SLC35D2: variants seen among roughly 807,000 people sequenced by gnomAD.
The protein encoded by SLC35D2 is nucleotide sugar transporter SLC35D2.
In SLC35D2, 43 loss-of-function variants were observed where a neutral mutation model predicts 41.8. The ratio of observed to expected loss-of-function variants is 1.03; its 90% CI spans 0.81 to 1.33. The LOEUF is 1.33. Ranked by LOEUF, SLC35D2 falls within the 40% of genes most tolerant of loss-of-function variation. The probability of loss-of-function intolerance (pLI) is 0.00; values close to 1 mark genes in which losing one functional copy is unlikely to be tolerated. For missense variants in SLC35D2, 380 were observed against 408.4 expected, an observed-to-expected ratio of 0.93 and a Z score of 0.60; for synonymous variants, 150 against 163.9, an observed-to-expected ratio of 0.92 and a Z score of 0.65.
chr9:96,339,042 T>C (rs1829183989), intron 8 of SLC35D2, among the ~76,000 whole-genome samples: 1 of 152,234 alleles, frequency 6.6e-6, no homozygotes, highest in Admixed American at 6.5e-5. Context: ...GTGTTCCTGA[T>C]ACTACAAAAT....
downstream of SLC35D2, among the ~76,000 whole-genome samples, chr9:96,318,520 C>T (rs1828110609): frequency 6.6e-6 from 1 of 151,922 alleles, no homozygotes; most frequent in Admixed American, 6.6e-5. Flanking sequence ...AGAACTCCTA[C>T]AACTCAACAA....
chr9:96,372,297 A>G (rs1000368162), intron 1 of SLC35D2, among the ~76,000 whole-genome samples: 23 of 152,218 alleles, frequency 1.5e-4, no homozygotes, highest in Non-Finnish European at 2.6e-4. Flanking sequence ...ATTTTACAAA[A>G]CAACTGGTCC....
intron 1 of SLC35D2, among the ~76,000 whole-genome samples, chr9:96,378,756 A>T (rs113775627): frequency 0.019 from 2,843 of 149,408 alleles, 81 homozygotes; most frequent in African/African-American, 0.066. Context: ...ATTAAAAATT[A>T]AAAAAAAAAA....
chr9:96,313,824 C>G (rs1827990359), exon 12 of SLC35D2: 1 of 152,400 alleles, frequency 6.6e-6, no homozygotes, highest in Admixed American at 6.5e-5. Context: ...CATCTCTCCC[C>G]AGTGTGGAAC....
intron 9 of SLC35D2, among the ~76,000 whole-genome samples, chr9:96,330,435 G>A (rs921561508): frequency 6.6e-6 from 1 of 152,134 alleles, no homozygotes; most frequent in Non-Finnish European, 1.5e-5. Context: ...GCACCCACAG[G>A]CATCGCCTTA....
chr9:96,356,749 C>T (rs1267856517), intron 4 of SLC35D2, among the ~76,000 whole-genome samples: 1 of 148,170 alleles, frequency 6.7e-6, no homozygotes, highest in East Asian at 2.0e-4. Context: ...CTGGTGCTCA[C>T]CTGTGGTCCC....
chr9:96,372,068 C>T (rs954552761), intron 1 of SLC35D2, among the ~76,000 whole-genome samples: 5 of 152,180 alleles, frequency 3.3e-5, no homozygotes, highest in Admixed American at 1.3e-4. Context: ...TGGCAATACC[C>T]ATCTAAATAA....
At chr9:96,353,135 T>C (rs911269062) in intron 4 of SLC35D2, among the ~76,000 whole-genome samples, 3 of 151,894 alleles carry the variant, frequency 2.0e-5, no homozygotes, top group Non-Finnish European at 4.4e-5. Flanking sequence ...GCAGTGTCTG[T>C]GGGAAAAACA....
downstream of SLC35D2, among the ~76,000 whole-genome samples, chr9:96,316,720 T>C (rs536209256): frequency 6.6e-6 from 1 of 152,288 alleles, no homozygotes; most frequent in South Asian, 2.1e-4. Context: ...GGTGCCTTTT[T>C]TGTGTGTGTG....
At chr9:96,362,068 T>A (rs576167054) in intron 3 of SLC35D2, among the ~76,000 whole-genome samples, 1 of 152,260 alleles carries the variant, frequency 6.6e-6, no homozygotes, top group South Asian at 2.1e-4. Flanking sequence ...GGTATATTCA[T>A]ACAATGAAAA....
intron 1 of SLC35D2, among the ~76,000 whole-genome samples, 180 bp downstream of exon 1, chr9:96,383,297 G>C (rs182407561): frequency 6.9e-4 from 105 of 152,274 alleles, no homozygotes; most frequent in Admixed American, 1.5e-3. Context: ...TCAGGTTGTG[G>C]CCTGAGTGTA....
chr9:96,357,165 C>T (rs1830061918), intron 4 of SLC35D2, among the ~76,000 whole-genome samples: 1 of 151,858 alleles, frequency 6.6e-6, no homozygotes, highest in African/African-American at 2.4e-5. Context: ...GCAACAAGAC[C>T]GAAACTCCAT....
At chr9:96,344,566 TAAA>T (rs567587419) in intron 7 of SLC35D2, among the ~76,000 whole-genome samples, 1 of 57,294 alleles carries the variant, frequency 1.7e-5, no homozygotes, top group Admixed American at 2.6e-4. Flanking sequence ...ACAGAGCAGA[TAAA>T]AAAAAAAAAA....
rs1410335084 is a variant in SLC35D2, at chr9:96,383,608, G to C, written c.27C>G (p.Ala9=). 3 of 1,218,452 alleles carry C rather than the reference G, an allele frequency of 2.5e-6. No individual in the cohort carries two copies. Among genetic ancestry groups the C allele is most frequent in the Non-Finnish European group, 3.1e-6 (3 of 981,892 alleles). 75.5% of individuals were successfully genotyped at this position (1,218,452 alleles called of 1,614,324 possible). A position where few individuals can be genotyped will look rare whatever the true frequency, so the allele number is the denominator to read the frequency against. MTAGGQAE[A]EGAGGEPGAA... ...CGCCGGGCTCCCCGCCAGCGCCCTC[G>C]GCCTCGGCCTGGCCGCCGGCCGTCA... Residue 9 remains alanine (A), a synonymous_variant, in exon 1 of 12, where the codon GCC becomes GCG. Coordinates refer to ENST00000253270, the MANE Select transcript of SLC35D2 (RefSeq NM_007001.3).
At chr9:96,340,774 C>A (rs1297896529) in intron 8 of SLC35D2, among the ~76,000 whole-genome samples, 2 of 151,154 alleles carry the variant, frequency 1.3e-5, no homozygotes, top group East Asian at 1.9e-4. Flanking sequence ...TTTTGAAAAA[C>A]AAATCTATAT....
chr9:96,336,610 C>T (rs1278965212), intron 9 of SLC35D2, 107 bp downstream of exon 9: 3 of 748,514 alleles, frequency 4.0e-6, no homozygotes, highest in African/African-American at 3.6e-5. Context: ...CAGAGAAAGT[C>T]AGAGAAACAC....
intron 4 of SLC35D2, among the ~76,000 whole-genome samples, chr9:96,356,990 T>A (rs530372332): frequency 1.3e-5 from 2 of 152,094 alleles, no homozygotes; most frequent in East Asian, 3.9e-4. Context: ...GAGACCAGCC[T>A]CAACATGGAG....
intron 1 of SLC35D2, 130 bp from the exon 2 acceptor site, chr9:96,368,435 T>A (rs1004250633): frequency 2.4e-4 from 193 of 799,160 alleles, no homozygotes; most frequent in Non-Finnish European, 3.5e-4. Flanking sequence ...ACTTTTCATT[T>A]AATTCTTTTT....
At position 96,321,148 on chromosome 9, in the gene SLC35D2, G is replaced by A; in HGVS notation, c.*94C>T. 1.1e-6 allele frequency: 1 copy of A among 906,508 alleles called. No homozygotes were observed. Among genetic ancestry groups the A allele is most frequent in the Non-Finnish European group, 1.8e-6 (1 of 566,012 alleles). The allele number at this position is 906,508 out of a possible 1,614,324, so 56.2% of individuals were successfully genotyped here. A position where few individuals can be genotyped will look rare whatever the true frequency, so the allele number is the denominator to read the frequency against. On this transcript the variant is annotated 3_prime_UTR_variant, in exon 12 of 12. Coordinates refer to ENST00000253270, the MANE Select transcript of SLC35D2 (RefSeq NM_007001.3). Reference sequence around the variant, plus strand: ...GCTCTCACTTGCCCAGGGGGTGGATGTCACGAATCCGAAACCTCTGGCTTC... The same window carrying A: ...GCTCTCACTTGCCCAGGGGGTGGATATCACGAATCCGAAACCTCTGGCTTC...
Sources: gnomAD v4.1 joint callset for allele counts (sites outside exome capture counted in the v4.1 genomes callset) on GRCh38, gnomAD v4.1.1 for gene constraint, MANE v1.5 for transcripts, NCBI Gene and HGNC (gene_info 2026-07-23, HGNC 2026-07-21) for gene names.